SUN3: variants seen among roughly 807,000 people sequenced by gnomAD.
The protein encoded by SUN3 is Sad1 and UNC84 domain containing 3.
SUN3 carries 36 observed loss-of-function variants against 48.2 expected under a neutral mutation model. That is an observed-to-expected ratio of 0.75 (90% CI 0.57 to 0.99). The LOEUF (loss-of-function observed/expected upper bound fraction) is 0.99, where lower values mean the gene tolerates loss of function less well. SUN3 is among the 50% of genes least tolerant of loss of function. The pLI, the probability that SUN3 is intolerant of heterozygous loss-of-function variation, is 0.00. For missense variants in SUN3, 419 were observed against 433.1 expected, an observed-to-expected ratio of 0.97 and a Z score of 0.29; for synonymous variants, 148 against 147.9, an observed-to-expected ratio of 1.00 and a Z score of 0.00.
rs1788931241 is a variant in SUN3 at position 47,987,425 on chromosome 7, A to G, written c.979T>C (p.Cys327Arg). The G allele has an allele frequency of 2.5e-6, 4 of 1,577,426 alleles. No homozygotes were observed. Among genetic ancestry groups the G allele is most frequent in the Non-Finnish European group, 3.4e-6 (4 of 1,164,870 alleles). ...LQHAVSEYLLCVKLNIFSNWG... is the reference protein window; with the variant it reads ...LQHAVSEYLLRVKLNIFSNWG... ...TTGCTAAAGATATTAAGTTTCACACATAATAAATATTCAGAAACTGCATGC... is the reference window on the plus strand; with the variant it reads ...TTGCTAAAGATATTAAGTTTCACACGTAATAAATATTCAGAAACTGCATGC... Residue 327 changes from cysteine to arginine, a missense_variant, in exon 10 of 10, where the codon TGT (cysteine) becomes CGT (arginine). Physicochemically the swap from Cys to Arg is radical, Grantham distance 180 (BLOSUM62 -3). Coordinates refer to ENST00000297325, the MANE Select transcript of SUN3 (RefSeq NM_001030019.2).
chr7:48,030,164 C>T (rs1472365991), upstream of SUN3, among the ~76,000 whole-genome samples: 2 of 152,158 alleles, frequency 1.3e-5, no homozygotes, highest in African/African-American at 4.8e-5. Flanking sequence ...ACTGCTCCTT[C>T]ATATTTGTTT....
In SUN3 at chr7:48,006,013, C is replaced by T; in HGVS notation, c.533G>A (p.Arg178Lys). The T allele has an allele frequency of 6.2e-7, 1 of 1,613,372 alleles. No individual in the cohort carries two copies. The highest frequency in any genetic ancestry group is 1.1e-5 in the South Asian group (1 of 90,930). Residue 178 changes from arginine to lysine, a missense_variant, in exon 6 of 10, where the codon AGA becomes AAA. Arg to Lys is a conservative substitution (Grantham distance 26). Transcript: ENST00000297325. ...ATCAGCCATCTCGACTTGGTCTTCT[C>T]TCAACTTTTTAAGTACATAATTGAC... ...NLVNYVLKKL[R>K]EDQVEMADYA... is the part of the protein sequence containing the mutation.
At chr7:47,990,824 G>A (rs574434415) in intron 8 of SUN3, among the ~76,000 whole-genome samples, 1 of 151,816 alleles carries the variant, frequency 6.6e-6, no homozygotes, top group Non-Finnish European at 1.5e-5. Context: ...GCTGGAGGCC[G>A]TTATCCACAG....
intron 6 of SUN3, 111 bp downstream of exon 6, chr7:48,005,858 C>CG (rs957879009): frequency 4.9e-5 from 27 of 549,580 alleles, no homozygotes; most frequent in Middle Eastern, 3.0e-4. Flanking sequence ...TTTCCCCCCC[C>CG]CAAGTTACCA....
upstream of SUN3, among the ~76,000 whole-genome samples, chr7:48,033,915 G>A (rs1414583692): frequency 6.6e-6 from 1 of 152,142 alleles, no homozygotes; most frequent in Non-Finnish European, 1.5e-5. Context: ...TTAGCCAGGC[G>A]TGGTAGCACG....
rs761873859 is a variant in SUN3 at position 48,025,887 on chromosome 7, A to C, written c.174T>G (p.Phe58Leu). The part of the protein sequence containing the change: ...IILSTMLTLT[F>L]LLVGLLNHQW... ...CTTAGGAAGACTTACCTACAAGAAG[A>C]AAAGTCAGTGTAAGCATTGTACTTA... The change falls in exon 2 of 10, where the codon TTT (phenylalanine) becomes TTG (leucine). Residue 58 changes from phenylalanine to leucine, a missense_variant. Coordinates refer to ENST00000297325, the MANE Select transcript of SUN3 (RefSeq NM_001030019.2). 10 of 1,600,786 alleles carry C rather than the reference A, an allele frequency of 6.2e-6. No individual in the cohort carries two copies. Among genetic ancestry groups the C allele is most frequent in the Non-Finnish European group, 8.5e-6 (10 of 1,170,564 alleles).
intron 9 of SUN3, 89 bp from the exon 10 acceptor site, chr7:47,987,538 AC>A: frequency 8.0e-7 from 1 of 1,251,196 alleles, no homozygotes; most frequent in Non-Finnish European, 1.1e-6. Context: ...TAAATTATAT[AC>A]TTTTTTTTTT....
rs770500301 is a variant in SUN3, at chr7:48,025,931, G to C, written c.130C>G (p.Arg44Gly). 4.4e-6 allele frequency: 7 copies of C among 1,595,610 alleles called. No homozygotes were observed. The Admixed American group carries it at 1.2e-4, about 27-fold the overall frequency. ...GTACTTAGAATAATCTTCCATGATC[G>C]AGTTACCCTAAAAGAATAAAAACAA... ...DENPDANGVT[R>G]SWKIILSTML... The change falls in exon 2 of 10, where the codon CGA (arginine) becomes GGA (glycine). Residue 44 changes from arginine (R) to glycine (G), a missense_variant. Physicochemically the swap from Arg to Gly is moderately radical, Grantham distance 125 (BLOSUM62 -2). Coordinates refer to ENST00000297325, the MANE Select transcript of SUN3 (RefSeq NM_001030019.2).
chr7:48,001,928 C>T (rs1264186049), intron 6 of SUN3, among the ~76,000 whole-genome samples: 1 of 152,140 alleles, frequency 6.6e-6, no homozygotes, highest in Non-Finnish European at 1.5e-5. Context: ...CTCTGGATAT[C>T]CCAGTAATGG....
intron 6 of SUN3, 77 bp downstream of exon 6, chr7:48,005,892 C>G: frequency 3.7e-6 from 3 of 809,788 alleles, no homozygotes; most frequent in Non-Finnish European, 5.7e-6. Context: ...TCCTCATAAA[C>G]AAATGTAGAG....
rs182657473 is a variant in SUN3 at position 48,010,968 on chromosome 7, G to A, written c.289-1893C>T. On this transcript the variant is annotated intron_variant, in intron 3 of 9. Coordinates refer to ENST00000297325, the MANE Select transcript of SUN3 (RefSeq NM_001030019.2). Reference sequence around the variant, plus strand: ...CTAGGCTTGTGGCTGCATCACTCCAGTCTCTGCCTCTGCCTTTACGTGGTC... The same window carrying A: ...CTAGGCTTGTGGCTGCATCACTCCAATCTCTGCCTCTGCCTTTACGTGGTC... Among the ~76,000 whole-genome samples the A allele has an allele frequency of 2.0e-5, 3 of 149,832 alleles. No individual in the cohort carries two copies. The South Asian group carries it at 6.4e-4, about 32-fold the overall frequency.
rs111499150 is a variant in SUN3 at position 47,997,712 on chromosome 7, T to C, written c.578-1566A>G. Among the ~76,000 whole-genome samples the C allele has an allele frequency of 3.0e-3, 453 of 152,296 alleles. 5 individuals are homozygous for C. Among genetic ancestry groups the C allele is most frequent in the African/African-American group, 0.01 (422 of 41,552 alleles). ...CAACCCCAAAAGGAACCCATAGTGGTTAGCTGTCATTCCCCATTTCCCTCA... is the reference window on the plus strand; with the variant it reads ...CAACCCCAAAAGGAACCCATAGTGGCTAGCTGTCATTCCCCATTTCCCTCA... On this transcript the variant is annotated intron_variant, in intron 6 of 9. Transcript: ENST00000297325.
chr7:47,993,087 A>G (rs1789111770), intron 8 of SUN3, among the ~76,000 whole-genome samples: 2 of 152,208 alleles, frequency 1.3e-5, no homozygotes, highest in South Asian at 4.1e-4. Flanking sequence ...CTCAAGAAAA[A>G]AAAAATGTAA....
intron 3 of SUN3, among the ~76,000 whole-genome samples, chr7:48,016,164 C>T (rs986275344): frequency 1.3e-5 from 2 of 152,022 alleles, no homozygotes; most frequent in Non-Finnish European, 2.9e-5. Context: ...TTCTGCCAGC[C>T]CACCCAGGAA....
intron 8 of SUN3, among the ~76,000 whole-genome samples, chr7:47,992,277 C>T (rs558762496): frequency 6.6e-6 from 1 of 152,250 alleles, no homozygotes; most frequent in African/African-American, 2.4e-5. Context: ...AGACGCTACC[C>T]GCAAGGGGGA....
chr7:48,003,978 G>C (rs148332625), intron 6 of SUN3, among the ~76,000 whole-genome samples: 1 of 151,944 alleles, frequency 6.6e-6, no homozygotes, highest in African/African-American at 2.4e-5. Context: ...TTTTTTCTCT[G>C]TTTTTGTTTT....
intron 3 of SUN3, among the ~76,000 whole-genome samples, chr7:48,009,649 A>G (rs1032899821): frequency 6.6e-6 from 1 of 152,124 alleles, no homozygotes; most frequent in Non-Finnish European, 1.5e-5. Context: ...TCTGGTATAG[A>G]TAGTCTCTGG....
At chr7:47,996,453 T>C (rs192742942) in intron 6 of SUN3, among the ~76,000 whole-genome samples, 76 of 152,346 alleles carry the variant, frequency 5.0e-4, no homozygotes, top group Non-Finnish European at 8.8e-4. Flanking sequence ...AAAACGTATA[T>C]AGATCTTTAT....
At chr7:48,025,516 T>A (rs1790110661) in intron 2 of SUN3, among the ~76,000 whole-genome samples, 1 of 152,208 alleles carries the variant, frequency 6.6e-6, no homozygotes, top group Non-Finnish European at 1.5e-5. Context: ...AGCAAGAGTC[T>A]CTGGTTGTCA....
Sources: allele counts gnomAD v4.1 joint callset (sites outside exome capture counted in the v4.1 genomes callset), GRCh38; gene constraint gnomAD v4.1.1; transcripts MANE v1.5; gene names NCBI Gene and HGNC (gene_info 2026-07-23, HGNC 2026-07-21).